DLG2: variants seen among roughly 807,000 people sequenced by gnomAD.
DLG2 encodes the protein disks large homolog 2.
In DLG2, 45 loss-of-function variants were observed where a neutral mutation model predicts 132.5. The ratio of observed to expected loss-of-function variants is 0.34; its 90% confidence interval spans 0.27 to 0.44. DLG2 has a LOEUF of 0.44. Among genes scored for constraint, DLG2 ranks in the 20% least tolerant of loss-of-function variants. DLG2 has a pLI of 1.00. For missense variants in DLG2, 1,045 were observed against 1,196.9 expected (o/e 0.87, Z 1.87); for synonymous variants, 424 against 419.6 (o/e 1.01, Z -0.13).
intron 17 of DLG2, among the ~76,000 whole-genome samples, chr11:83,798,436 A>G (rs978589373): frequency 2.6e-5 from 4 of 152,246 alleles, no homozygotes; most frequent in African/African-American, 9.6e-5. Context: ...TGTGACCAGG[A>G]CTTTTAACTG....
intron 19 of DLG2, among the ~76,000 whole-genome samples, chr11:83,629,568 A>G (rs1445451695): frequency 1.3e-5 from 2 of 152,138 alleles, no homozygotes; most frequent in South Asian, 2.1e-4. Flanking sequence ...GCACTTTTGT[A>G]TAAATTTAAC....
rs563564067 is a variant in DLG2 at position 85,274,534 on chromosome 11, T to A, written c.186+10686A>T. 9.2e-5 allele frequency among the ~76,000 whole-genome samples: 14 copies of A among 152,258 alleles called. No individual in the cohort carries two copies. In the South Asian group the frequency reaches 2.9e-3, roughly 32 times the overall value. On this transcript the variant is annotated intron_variant, in intron 4 of 27. Coordinates refer to ENST00000376104, the MANE Select transcript of DLG2 (RefSeq NM_001142699.3). Reference sequence around the variant, plus strand: ...GACTAACCATTACAGTAAAGAAGTATCATAAAATATATTTTATATTACACA... The same window carrying A: ...GACTAACCATTACAGTAAAGAAGTAACATAAAATATATTTTATATTACACA...
intron 6 of DLG2, among the ~76,000 whole-genome samples, chr11:84,683,882 T>C (rs1162850712): frequency 6.6e-6 from 1 of 152,156 alleles, no homozygotes; most frequent in African/African-American, 2.4e-5. Context: ...GTGCAAAACA[T>C]CCCAGTTATA....
chr11:83,630,249 T>G (rs1167955794), intron 19 of DLG2, among the ~76,000 whole-genome samples: 1 of 152,110 alleles, frequency 6.6e-6, no homozygotes, highest in Non-Finnish European at 1.5e-5. Flanking sequence ...AGTGGGGAAA[T>G]GAAGGCAGCT....
chr11:84,084,574 G>C (rs1471997117), intron 10 of DLG2, among the ~76,000 whole-genome samples: 1 of 152,184 alleles, frequency 6.6e-6, no homozygotes. Context: ...TGAATATTAA[G>C]TAGTGACAAA....
chr11:85,563,622 T>C (rs139482259), intron 3 of DLG2, among the ~76,000 whole-genome samples: 27 of 149,546 alleles, frequency 1.8e-4, no homozygotes, highest in African/African-American at 5.8e-4. Flanking sequence ...GATTGATTTA[T>C]GTTGTTGCAT....
intron 5 of DLG2, among the ~76,000 whole-genome samples, chr11:85,123,130 A>G (rs909310833): frequency 6.6e-6 from 1 of 150,776 alleles, no homozygotes; most frequent in Admixed American, 6.6e-5. Flanking sequence ...GGCACCTGCC[A>G]CCACACTCGG....
intron 6 of DLG2, among the ~76,000 whole-genome samples, chr11:84,599,003 G>C (rs2099569754): frequency 6.6e-6 from 1 of 152,002 alleles, no homozygotes; most frequent in African/African-American, 2.4e-5. Flanking sequence ...GCAGCACTTT[G>C]GGAGGCAAAG....
At chr11:84,222,325 C>A (rs541827871) in intron 8 of DLG2, among the ~76,000 whole-genome samples, 10 of 152,272 alleles carry the variant, frequency 6.6e-5, no homozygotes, top group Admixed American at 3.3e-4. Context: ...TGCCACCATG[C>A]CCGGCCAAGT....
intron 3 of DLG2, among the ~76,000 whole-genome samples, chr11:85,593,311 T>C (rs191359884): frequency 1.3e-5 from 2 of 152,270 alleles, no homozygotes; most frequent in Admixed American, 1.3e-4. Flanking sequence ...TACCTAACCA[T>C]TTAGAACATA....
rs10638512 is a variant in DLG2 at position 85,247,070 on chromosome 11, C to CAA, written c.186+38149_186+38150insTT. On this transcript the variant is annotated intron_variant, in intron 4 of 27. Transcript: ENST00000376104. ...TGTTGATAAAATTTAATGTTCAAATCCTCTGTTTTCTTCTATCTCCATTTA... is the reference window on the plus strand; with the variant it reads ...TGTTGATAAAATTTAATGTTCAAATCAACTCTGTTTTCTTCTATCTCCATTTA... Among the ~76,000 whole-genome samples the CAA allele has an allele frequency of 2.0e-5, 3 of 151,816 alleles. No individual in the cohort carries two copies. In the East Asian group the frequency reaches 5.8e-4, roughly 29 times the overall value.
At chr11:83,667,572 T>C (rs1403425122) in intron 18 of DLG2, among the ~76,000 whole-genome samples, 2 of 152,168 alleles carry the variant, frequency 1.3e-5, no homozygotes, top group Admixed American at 1.3e-4. Flanking sequence ...AGCCAGCTTG[T>C]TCAAACTCCT....
intron 6 of DLG2, among the ~76,000 whole-genome samples, chr11:84,823,115 G>A (rs967369116): frequency 6.6e-6 from 1 of 151,564 alleles, no homozygotes; most frequent in Non-Finnish European, 1.5e-5. Context: ...TCTAATTAAA[G>A]GTGTTCAATA....
At chr11:84,602,020 T>A (rs916979331) in intron 6 of DLG2, among the ~76,000 whole-genome samples, 1 of 151,794 alleles carries the variant, frequency 6.6e-6, no homozygotes, top group Non-Finnish European at 1.5e-5. Flanking sequence ...TTTTCAGAGG[T>A]CCATCAGATA....
rs974032528 is a variant in DLG2 at position 85,036,784 on chromosome 11, G to A, written c.357+74877C>T. 3.9e-5 allele frequency among the ~76,000 whole-genome samples: 6 copies of A among 151,946 alleles called. No homozygotes were observed. In the South Asian group the frequency reaches 1.0e-3, roughly 26 times the overall value. ...TTATATAAAACAGCAGTTCTATTTTGGCTTGATTTTCTGTTCTGACTATCT... is the reference window on the plus strand; with the variant it reads ...TTATATAAAACAGCAGTTCTATTTTAGCTTGATTTTCTGTTCTGACTATCT... On this transcript the variant is annotated intron_variant, in intron 6 of 27. Coordinates refer to ENST00000376104, the MANE Select transcript of DLG2 (RefSeq NM_001142699.3).
chr11:85,397,522 T>A (rs1287882925), intron 3 of DLG2, among the ~76,000 whole-genome samples: 1 of 152,176 alleles, frequency 6.6e-6, no homozygotes, highest in Non-Finnish European at 1.5e-5. Flanking sequence ...GTATGCTGTA[T>A]TCAGGAGACA....
At chr11:84,418,692 T>C (rs1198229196) in intron 7 of DLG2, among the ~76,000 whole-genome samples, 1 of 152,144 alleles carries the variant, frequency 6.6e-6, no homozygotes, top group Non-Finnish European at 1.5e-5. Context: ...CCCAATCTGG[T>C]CCTATCCTTC....
chr11:84,364,460 G>A (rs913068860), intron 7 of DLG2, among the ~76,000 whole-genome samples: 1 of 152,058 alleles, frequency 6.6e-6, no homozygotes, highest in Non-Finnish European at 1.5e-5. Context: ...CTGCAAACAG[G>A]GACAGTTTGA....
intron 10 of DLG2, among the ~76,000 whole-genome samples, chr11:84,063,387 A>G (rs4944461): frequency 0.79 from 120,769 of 152,018 alleles, 49,207 homozygotes; most frequent in Middle Eastern, 0.92. Flanking sequence ...CCGTATTCAA[A>G]GAGTCACATC....
Sources: gnomAD v4.1 joint callset for allele counts (sites outside exome capture counted in the v4.1 genomes callset) on GRCh38, gnomAD v4.1.1 for gene constraint, MANE v1.5 for transcripts, NCBI Gene and HGNC (gene_info 2026-07-23, HGNC 2026-07-21) for gene names.